PDE4DIP: variants seen among roughly 807,000 people sequenced by gnomAD.
The protein encoded by PDE4DIP is phosphodiesterase 4D interacting protein, also known as myomegalin.
A neutral mutation model predicts 221.4 loss-of-function variants in PDE4DIP; 59 were observed. The observed-to-expected ratio is 0.27, with a 90% confidence interval of 0.22 to 0.33. The LOEUF (loss-of-function observed/expected upper bound fraction) is 0.33. Among genes scored for constraint, PDE4DIP ranks in the 10% least tolerant of loss-of-function variants. The pLI is 1.00. For missense variants in PDE4DIP, 1,036 were observed against 2,154.2 expected (o/e 0.48, Z 10.28); for synonymous variants, 404 against 815.9 (o/e 0.50, Z 8.60).
At position 149,005,086 on chromosome 1, in the gene PDE4DIP, G is replaced by A. The variant is rs151134727; in HGVS notation, c.4064G>A (p.Arg1355Gln). Residue 1355 changes from arginine to glutamine, a missense_variant, in exon 27 of 44, where the codon CGA becomes CAA. Physicochemically the swap from Arg to Gln is conservative, Grantham distance 43 (BLOSUM62 1). Transcript: ENST00000369354. Reference sequence around the variant, plus strand: ...AAGTCAGAAAACATCTTGGTCCTACGAAAGGACATCAAAGATCTGAAGGCC... The same window carrying A: ...AAGTCAGAAAACATCTTGGTCCTACAAAAGGACATCAAAGATCTGAAGGCC... The A allele has an allele frequency of 4.7e-5, 76 of 1,613,562 alleles. No individual in the cohort carries two copies. In the African/African-American group the frequency reaches 7.3e-4, roughly 16 times the overall value.
In PDE4DIP at chr1:149,010,696, T is replaced by C. The variant is rs1186406422; in HGVS notation, c.5080+101T>C. The C allele has an allele frequency of 3.9e-6, 4 of 1,030,410 alleles. No individual in the cohort carries two copies. The African/African-American group carries it at 6.4e-5, about 17-fold the overall frequency. 63.8% of individuals were successfully genotyped at this position (1,030,410 alleles called of 1,614,324 possible). On this transcript the variant is annotated intron_variant, in intron 31 of 43. Coordinates refer to ENST00000369354, the Ensembl canonical transcript of PDE4DIP. ...AGGTTTGGACTGTTAGGGGCCTAAATGCATCAAAACCTAGACAGAATCGAG... is the reference window on the plus strand; with the variant it reads ...AGGTTTGGACTGTTAGGGGCCTAAACGCATCAAAACCTAGACAGAATCGAG...
At chr1:149,013,483 G>T (rs1237433214) in intron 32 of PDE4DIP, among the ~76,000 whole-genome samples, 1 of 75,914 alleles carries the variant, frequency 1.3e-5, no homozygotes, top group African/African-American at 5.4e-5. Flanking sequence ...TAGGCTGGAT[G>T]CTCATCATAA....
At chr1:148,836,179 C>CA (rs1385348239) in intron 1 of PDE4DIP, among the ~76,000 whole-genome samples, 1 of 150,992 alleles carries the variant, frequency 6.6e-6, no homozygotes, top group Non-Finnish European at 1.5e-5. Context: ...AGTTCGATCT[C>CA]AGTCTGCTGT....
chr1:148,979,129 T>C (rs1324785443), intron 19 of PDE4DIP, among the ~76,000 whole-genome samples: 9 of 152,258 alleles, frequency 5.9e-5, no homozygotes, highest in African/African-American at 2.2e-4. Context: ...TGCCAGACTT[T>C]TCCAAAAGAC....
chr1:148,941,931 TCTC>T (rs1235011130), intron 5 of PDE4DIP: 4 of 152,090 alleles, frequency 2.6e-5, no homozygotes, highest in Non-Finnish European at 4.4e-5. Flanking sequence ...GGCTAAAGAA[TCTC>T]CTCATCTCCA....
chr1:148,855,784 ATTCGGGTGCC>A (rs1193288146), intron 1 of PDE4DIP, among the ~76,000 whole-genome samples: 1 of 141,824 alleles, frequency 7.1e-6, no homozygotes, highest in Non-Finnish European at 1.6e-5. Flanking sequence ...TGTTTTTACA[ATTCGGGTGCC>A]ACATTGTGGG....
At chr1:148,965,056 CAG>C (rs1553516649) in intron 9 of PDE4DIP, among the ~76,000 whole-genome samples, 1 of 151,542 alleles carries the variant, frequency 6.6e-6, no homozygotes, top group Non-Finnish European at 1.5e-5. Flanking sequence ...TCTAAAGTAA[CAG>C]ATGATTTAAA....
chr1:148,950,741 C>A (rs1435238424), intron 5 of PDE4DIP, among the ~76,000 whole-genome samples: 2 of 151,296 alleles, frequency 1.3e-5, no homozygotes, highest in Admixed American at 6.6e-5. Context: ...CATGAGGGAT[C>A]TGCCCCCCCC....
intron 5 of PDE4DIP, among the ~76,000 whole-genome samples, chr1:148,958,694 CAG>C (rs1281858669): frequency 1.5e-4 from 22 of 150,394 alleles, no homozygotes; most frequent in African/African-American, 4.4e-4. Context: ...AATATTATCT[CAG>C]ATAATAATGT....
At chr1:149,017,791 G>T in exon 34 of PDE4DIP, 1 of 1,609,128 alleles carries the variant, frequency 6.2e-7, no homozygotes, top group Non-Finnish European at 8.5e-7. Context: ...TCCGGAACCT[G>T]CGCCAGCGCC....
intron 41 of PDE4DIP, 58 bp from the exon 45 acceptor site, chr1:149,029,729 A>T: frequency 1.2e-6 from 1 of 829,218 alleles, no homozygotes; most frequent in Admixed American, 2.2e-5. Context: ...AGAGCCACAA[A>T]GCACAGGGTG....
chr1:148,937,338 C>T lies in PDE4DIP; in HGVS notation c.519-409C>T, dbSNP rs2049429715. On this transcript the variant is annotated intron_variant, in intron 4 of 43. Transcript: ENST00000369354. ...TGGAATTTAAATTTTTGCAAAACAG[C>T]GATTGTTTCTTTTCCAACTTCATAT... 3.9e-5 allele frequency among the ~76,000 whole-genome samples: 6 copies of T among 152,178 alleles called. No individual in the cohort carries two copies. In the South Asian group the frequency reaches 1.2e-3, roughly 31 times the overall value.
intron 27 of PDE4DIP, among the ~76,000 whole-genome samples, 198 bp from the exon 31 acceptor site, chr1:149,007,003 G>T (rs1189332325): frequency 6.8e-6 from 1 of 146,088 alleles, no homozygotes; most frequent in South Asian, 2.3e-4. Context: ...CGCCCGGCCC[G>T]TACTAAGTTT....
chr1:148,998,407 G>A (rs1553569360), intron 23 of PDE4DIP, 32 bp downstream of exon 26: 3 of 1,400,028 alleles, frequency 2.1e-6, no homozygotes, highest in Middle Eastern at 2.0e-4. Flanking sequence ...AGGGGAGCTT[G>A]CAGGTCATGA....
At chr1:148,965,343 A>T in intron 9 of PDE4DIP, 141 bp from the exon 13 acceptor site, 1 of 605,278 alleles carries the variant, frequency 1.7e-6, no homozygotes, top group Non-Finnish European at 2.9e-6. Flanking sequence ...CAATTCATGT[A>T]TAATACTTCT....
intron 23 of PDE4DIP, among the ~76,000 whole-genome samples, chr1:149,000,536 A>C (rs868943085): frequency 6.6e-6 from 1 of 151,364 alleles, no homozygotes; most frequent in East Asian, 2.0e-4. Flanking sequence ...CCTGGGTGAC[A>C]GAGTGAGACT....
chr1:148,986,792 T>A (rs587682165), intron 21 of PDE4DIP, among the ~76,000 whole-genome samples: 8 of 152,272 alleles, frequency 5.3e-5, no homozygotes, highest in Admixed American at 3.9e-4. Flanking sequence ...GAGCCAACTG[T>A]GGTGGGTAGT....
At chr1:148,893,115 T>A (rs1699362717) in intron 1 of PDE4DIP, among the ~76,000 whole-genome samples, 1 of 140,316 alleles carries the variant, frequency 7.1e-6, no homozygotes, top group African/African-American at 2.7e-5. Context: ...GTATTTTTTT[T>A]TTTTTTTTTT....
At chr1:148,990,410 T>C (rs2062792188) in intron 21 of PDE4DIP, 2 of 930,608 alleles carry the variant, frequency 2.1e-6, no homozygotes. Flanking sequence ...CTTATCTGTA[T>C]TGGGTAGTGA....
Sources: allele counts gnomAD v4.1 joint callset (sites outside exome capture counted in the v4.1 genomes callset), GRCh38; gene constraint gnomAD v4.1.1; transcripts MANE v1.5; gene names NCBI Gene and HGNC (gene_info 2026-07-23, HGNC 2026-07-21).